The following MFSD2B variants were observed in gnomAD, a reference collection of about 807,000 sequenced individuals.
MFSD2B encodes MFSD2 lysolipid transporter B, sphingolipid, also known as sphingosine-1-phosphate transporter MFSD2B.
In MFSD2B, 56 loss-of-function variants were observed where a neutral mutation model predicts 58.4. That is an observed-to-expected ratio of 0.96 (90% confidence interval 0.77 to 1.20). MFSD2B has a LOEUF of 1.20. MFSD2B is among the 50% of genes most tolerant of loss of function. MFSD2B has a pLI of 0.00. For synonymous variants in MFSD2B, 287 were observed against 294.4 expected, an observed-to-expected ratio of 0.97 and a Z score of 0.26; for missense variants, 645 against 667.6, an observed-to-expected ratio of 0.97 and a Z score of 0.37.
intron 6 of MFSD2B, chr2:24,018,725 A>G (rs1168341042): frequency 1.7e-5 from 3 of 174,836 alleles, no homozygotes; most frequent in Non-Finnish European, 3.7e-5. Flanking sequence ...TGGAAAAAAA[A>G]AAAAAAAAGG....
In MFSD2B at chr2:24,023,999, C is replaced by T; in HGVS notation, c.1314-96C>T. On this transcript the variant is annotated intron_variant, in intron 12 of 13. Coordinates refer to ENST00000338315, the MANE Select transcript of MFSD2B (RefSeq NM_001346880.2). The surrounding 1 kb of genome is among the most constrained non-coding windows in gnomAD (Gnocchi z 5.0). The stretch of plus-strand genomic sequence containing the variant: ...TGACCAGGAAATGAAGTCCACGTTT[C>T]AGGAGGGGGTGGGGTGGGGTGAGGT... The T allele has an allele frequency of 7.8e-7, 1 of 1,281,178 alleles. No homozygotes were observed. 79.4% of individuals were successfully genotyped at this position (1,281,178 alleles called of 1,614,324 possible). A position where few individuals can be genotyped will look rare whatever the true frequency, so the allele number is the denominator to read the frequency against.
chr2:24,022,843 C>G lies in MFSD2B; in HGVS notation c.1000C>G (p.Pro334Ala), dbSNP rs138903557. Residue 334 changes from proline (P) to alanine (A), a missense_variant, in exon 10 of 14, where the codon CCG becomes GCG. Transcript: ENST00000338315. The surrounding 1 kb of genome is among the most constrained non-coding windows in gnomAD (Gnocchi z 4.5). ...ACAGGTCTCAGCCGTGCTGAGCACCCCGCTGTGGGAGTGGGTTCTCCAGCG... is the reference window on the plus strand; with the variant it reads ...ACAGGTCTCAGCCGTGCTGAGCACCGCGCTGTGGGAGTGGGTTCTCCAGCG... ...TVLVSAVLSTPLWEWVLQRFG... is the reference protein window; with the variant it reads ...TVLVSAVLSTALWEWVLQRFG... 3.8e-3 allele frequency: 6,075 copies of G among 1,607,510 alleles called. 12 individuals are homozygous for G. Among genetic ancestry groups the G allele is most frequent in the Non-Finnish European group, 4.6e-3 (5,443 of 1,177,194 alleles).
rs1174359820 is a variant in MFSD2B at position 24,024,255 on chromosome 2, C to G, written c.1474C>G (p.Arg492Gly). ...GACACCCAGTCGGGACGCCTCCAGC[C>G]GGCTGAGCCTTCGGAGGTAAGCCCC... is the stretch of plus-strand genomic sequence containing the variant. ...PKTPSRDASSRLSLRRRTSYS... is the reference protein window; with the variant it reads ...PKTPSRDASSGLSLRRRTSYS... The change falls in exon 13 of 14, where the codon CGG becomes GGG. Residue 492 changes from arginine (R) to glycine (G), a missense_variant. Coordinates refer to ENST00000338315, the MANE Select transcript of MFSD2B (RefSeq NM_001346880.2). The surrounding 1 kb of genome is among the most constrained non-coding windows in gnomAD (Gnocchi z 4.3). 1 of 1,607,480 alleles carries G rather than the reference C, an allele frequency of 6.2e-7. No homozygotes were observed. The highest frequency in any genetic ancestry group is 1.1e-5 in the South Asian group (1 of 90,120).
Position 24,023,802 on chromosome 2 carries a change from C to T in MFSD2B, c.1313+76C>T, listed in dbSNP as rs569273567. 24 of 1,542,260 alleles carry T rather than the reference C, an allele frequency of 1.6e-5. No homozygotes were observed. Among genetic ancestry groups the T allele is most frequent in the African/African-American group, 1.4e-4 (10 of 73,628 alleles). On this transcript the variant is annotated intron_variant, in intron 12 of 13. Coordinates refer to ENST00000338315, the MANE Select transcript of MFSD2B (RefSeq NM_001346880.2). The surrounding 1 kb of genome is among the most constrained non-coding windows in gnomAD (Gnocchi z 5.0). The stretch of plus-strand genomic sequence containing the variant: ...GAAGAGGGCAAAGCCCCTCACCTAC[C>T]AAGCTCAGGGCATCCATGAGCCTGG...
rs1415691405 is a variant in MFSD2B, at chr2:24,021,434, C to T, written c.682-214C>T. ...TGTGTCCTCTTTGCCATGCAGGGAA[C>T]ACAGGGTCAGCAGAGGGGGTGTGTG... On this transcript the variant is annotated intron_variant, in intron 6 of 13. Transcript: ENST00000338315. The surrounding 1 kb of genome is among the most constrained non-coding windows in gnomAD (Gnocchi z 5.7). Among the ~76,000 whole-genome samples, 1 of 152,188 alleles carries T rather than the reference C, an allele frequency of 6.6e-6. No homozygotes were observed. The highest frequency in any genetic ancestry group is 1.5e-5 in the Non-Finnish European group (1 of 68,026).
Position 24,012,645 on chromosome 2 carries a change from AAAG to A in MFSD2B, c.97-634_97-632del, listed in dbSNP as rs994577946. ...GCATTCACTGATAGACAAGAACTGG[AAAG>A]AAGAATAGATGACTCCTAAGTTTGT... On this transcript the variant is annotated intron_variant, in intron 1 of 13. Transcript: ENST00000338315. This position sits in a 1 kb window ranked among gnomAD's most constrained non-coding sequence, Gnocchi z 4.5. 6.6e-6 allele frequency among the ~76,000 whole-genome samples: 1 copy of A among 152,334 alleles called. No homozygotes were observed. The highest frequency in any genetic ancestry group is 2.1e-4 in the South Asian group (1 of 4,832).
intron 6 of MFSD2B, chr2:24,018,708 C>T (rs1343228041): frequency 1.1e-5 from 2 of 173,946 alleles, no homozygotes; most frequent in Non-Finnish European, 2.5e-5. Context: ...TAAAAAAAAT[C>T]CTTTTCTGGA....
At chr2:24,016,799 C>T in intron 3 of MFSD2B, 46 bp from the exon 4 acceptor site, 1 of 1,605,654 alleles carries the variant, frequency 6.2e-7, no homozygotes, top group Non-Finnish European at 8.5e-7. Context: ...TTTGTGTTCC[C>T]CTGTCTGGGT....
At chr2:24,014,989 C>G (rs1280446444) in intron 2 of MFSD2B, among the ~76,000 whole-genome samples, 1 of 152,040 alleles carries the variant, frequency 6.6e-6, no homozygotes, top group Non-Finnish European at 1.5e-5. Context: ...CGTGGTGGCA[C>G]ACGCCTGTAG....
chr2:24,022,807 G>T lies in MFSD2B; in HGVS notation c.979-15G>T, dbSNP rs755080801. On this transcript the variant is annotated splice_polypyrimidine_tract_variant and intron_variant, in intron 9 of 13. Coordinates refer to ENST00000338315, the MANE Select transcript of MFSD2B (RefSeq NM_001346880.2). This position sits in a 1 kb window ranked among gnomAD's most constrained non-coding sequence, Gnocchi z 4.5. The stretch of plus-strand genomic sequence containing the variant: ...GGCAGCACGGCCCTGGCGTGACGAT[G>T]CTGTCTGCTCACAGGTCTCAGCCGT... 1.3e-6 allele frequency: 2 copies of T among 1,553,436 alleles called. No individual in the cohort carries two copies. Among genetic ancestry groups the T allele is most frequent in the Non-Finnish European group, 8.7e-7 (1 of 1,152,550 alleles).
In MFSD2B at chr2:24,024,121, G is replaced by A. The variant is rs775884812; in HGVS notation, c.1340G>A (p.Cys447Tyr). The stretch of plus-strand genomic sequence containing the variant: ...TTCTCGGGGTATAAGGCAGGGGTCT[G>A]CAAGCAAGCAGAGGAGGTGGTGGTC... Reference protein sequence around the residue: ...LEFSGYKAGVCKQAEEVVVTL... With the variant: ...LEFSGYKAGVYKQAEEVVVTL... The change falls in exon 13 of 14, where the codon TGC becomes TAC. Residue 447 changes from cysteine to tyrosine, a missense_variant. Cys to Tyr is a radical substitution (Grantham distance 194). Transcript: ENST00000338315. The surrounding 1 kb of genome is among the most constrained non-coding windows in gnomAD (Gnocchi z 4.3). 6.2e-7 allele frequency: 1 copy of A among 1,613,860 alleles called. No homozygotes were observed. Among genetic ancestry groups the A allele is most frequent in the African/African-American group, 1.3e-5 (1 of 75,046 alleles).
chr2:24,023,812 GC>G lies in MFSD2B; in HGVS notation c.1313+87del. On this transcript the variant is annotated intron_variant, in intron 12 of 13. Coordinates refer to ENST00000338315, the MANE Select transcript of MFSD2B (RefSeq NM_001346880.2). This position sits in a 1 kb window ranked among gnomAD's most constrained non-coding sequence, Gnocchi z 5.0. Reference sequence around the variant, plus strand: ...AAGCCCCTCACCTACCAAGCTCAGGGCATCCATGAGCCTGGGGCCTAAGCGC... The same window carrying G: ...AAGCCCCTCACCTACCAAGCTCAGGGATCCATGAGCCTGGGGCCTAAGCGC... 2 of 1,472,874 alleles carry G rather than the reference GC, an allele frequency of 1.4e-6. No homozygotes were observed. Among genetic ancestry groups the G allele is most frequent in the Non-Finnish European group, 1.9e-6 (2 of 1,075,096 alleles). 91.2% of individuals were successfully genotyped at this position (1,472,874 alleles called of 1,614,324 possible). A position where few individuals can be genotyped will look rare whatever the true frequency, so the allele number is the denominator to read the frequency against.
chr2:24,013,225 G>C, intron 1 of MFSD2B, 60 bp from the exon 2 acceptor site: 1 of 1,507,846 alleles, frequency 6.6e-7, no homozygotes, highest in East Asian at 2.3e-5. Context: ...GAAGTCATGG[G>C]GTGTGGGGAC....
intron 6 of MFSD2B, among the ~76,000 whole-genome samples, chr2:24,018,055 C>T (rs993032829): frequency 2.0e-5 from 3 of 152,154 alleles, no homozygotes; most frequent in African/African-American, 4.8e-5. Flanking sequence ...TTCCCTTTCA[C>T]GGCGGGTCCC....
At position 24,017,348 on chromosome 2, in the gene MFSD2B, C is replaced by T; in HGVS notation, c.534C>T (p.Asp178=). The part of the protein sequence containing the change: ...MLLTPCPRER[D]SATAYRMTVE... ...TGACTCCCTGCCCAAGGGAGCGGGA[C>T]TCGGCCACCGCCTACCGTGAGTGCA... The change falls in exon 5 of 14, where the codon GAC becomes GAT. Residue 178 remains aspartate, a synonymous_variant. Coordinates refer to ENST00000338315, the MANE Select transcript of MFSD2B (RefSeq NM_001346880.2). This position sits in a 1 kb window ranked among gnomAD's most constrained non-coding sequence, Gnocchi z 4.8. 6.2e-7 allele frequency: 1 copy of T among 1,605,490 alleles called. No homozygotes were observed.
chr2:24,016,771 T>C, intron 3 of MFSD2B, 74 bp from the exon 4 acceptor site: 6 of 1,566,488 alleles, frequency 3.8e-6, no homozygotes, highest in Non-Finnish European at 5.2e-6. Context: ...AGGGGTGGGG[T>C]TCCTCCAGGC....
rs771718312 is a variant in MFSD2B at position 24,022,864 on chromosome 2, C to T, written c.1021C>T (p.Gln341Ter). Residue 341 changes from glutamine to a stop codon, truncating the protein, a stop_gained, in exon 10 of 14, where the codon CAG becomes TAG. Coordinates refer to ENST00000338315, the MANE Select transcript of MFSD2B (RefSeq NM_001346880.2). LOFTEE classifies it high-confidence loss of function. This position sits in a 1 kb window ranked among gnomAD's most constrained non-coding sequence, Gnocchi z 4.5. ...LSTPLWEWVL[Q>*]RFGKKTSAFG... ...CACCCCGCTGTGGGAGTGGGTTCTCCAGCGCTTTGGGAAGAAGACGTCAGC... is the reference window on the plus strand; with the variant it reads ...CACCCCGCTGTGGGAGTGGGTTCTCTAGCGCTTTGGGAAGAAGACGTCAGC... The T allele has an allele frequency of 2.5e-6, 4 of 1,611,028 alleles. No individual in the cohort carries two copies. The highest frequency in any genetic ancestry group is 1.7e-5 in the Admixed American group (1 of 59,440).
At chr2:24,011,254 T>C (rs1708945882) in intron 1 of MFSD2B, among the ~76,000 whole-genome samples, 1 of 152,228 alleles carries the variant, frequency 6.6e-6, no homozygotes, top group African/African-American at 2.4e-5. Flanking sequence ...GACGGCAAGA[T>C]GGGATCATAT....
chr2:24,025,805 A>AATCC lies in MFSD2B; in HGVS notation c.*350_*353dup. 1 of 241,288 alleles carries AATCC rather than the reference A, an allele frequency of 4.1e-6. No individual in the cohort carries two copies. Among genetic ancestry groups the AATCC allele is most frequent in the East Asian group, 8.3e-5 (1 of 12,068 alleles). 14.9% of individuals were successfully genotyped at this position (241,288 alleles called of 1,614,324 possible). On this transcript the variant is annotated 3_prime_UTR_variant, in exon 14 of 14. Transcript: ENST00000338315. ...AAACGTTACAGCCGGCTCACTGCAA[A>AATCC]ATCCGCCTCCCGGGTTCACGCCATT...
Sources: allele counts gnomAD v4.1 joint callset (sites outside exome capture counted in the v4.1 genomes callset), GRCh38; gene constraint gnomAD v4.1.1; non-coding constraint Gnocchi (gnomAD v3.1); transcripts MANE v1.5; gene names NCBI Gene and HGNC (gene_info 2026-07-23, HGNC 2026-07-21).